FAR2: variants seen among roughly 807,000 people sequenced by gnomAD.
FAR2 encodes epididymis secretory protein Li 81.
In FAR2, 19 loss-of-function variants were observed where a neutral mutation model predicts 56.0. The observed-to-expected ratio is 0.34, with a 90% confidence interval of 0.24 to 0.50. The LOEUF is 0.50. FAR2 is among the 20% of genes least tolerant of loss of function. The pLI, the probability that FAR2 is intolerant of heterozygous loss-of-function variation, is 0.98. For missense variants in FAR2, 508 were observed against 642.2 expected, an observed-to-expected ratio of 0.79 and a Z score of 2.26; for synonymous variants, 219 against 218.8, an observed-to-expected ratio of 1.00 and a Z score of -0.01.
chr12:29,301,797 A>G (rs1420405780), intron 4 of FAR2: 2 of 152,246 alleles, frequency 1.3e-5, no homozygotes, highest in African/African-American at 4.8e-5. Flanking sequence ...TATCACTGCT[A>G]TACTAATCAC....
At chr12:29,290,115 A>G (rs1354959656) in intron 2 of FAR2, among the ~76,000 whole-genome samples, 1 of 152,198 alleles carries the variant, frequency 6.6e-6, no homozygotes, top group African/African-American at 2.4e-5. Flanking sequence ...TACAACCACT[A>G]CGGAGAACAG....
At chr12:29,204,480 G>A (rs1947456847) in intron 1 of FAR2, among the ~76,000 whole-genome samples, 2 of 152,174 alleles carry the variant, frequency 1.3e-5, no homozygotes, top group Non-Finnish European at 2.9e-5. Flanking sequence ...GGCATTTAAA[G>A]CTTAGACTTT....
rs529483316 is a variant in FAR2, at chr12:29,289,216, A to G, written c.190-4084A>G. Among the ~76,000 whole-genome samples the G allele has an allele frequency of 1.9e-3, 295 of 152,354 alleles. 2 individuals are homozygous for G. Among genetic ancestry groups the G allele is most frequent in the Non-Finnish European group, 2.3e-3 (154 of 68,024 alleles). On this transcript the variant is annotated intron_variant, in intron 2 of 11. Coordinates refer to ENST00000536681, the MANE Select transcript of FAR2 (RefSeq NM_001271783.2). ...ATCCTAAAATTTATTTGGAACCGCAAAAGACTGAGAATAGCCAAAGCTAAC... is the reference window on the plus strand; with the variant it reads ...ATCCTAAAATTTATTTGGAACCGCAGAAGACTGAGAATAGCCAAAGCTAAC...
intron 1 of FAR2, among the ~76,000 whole-genome samples, chr12:29,170,707 CTCTT>C (rs1949877280): frequency 6.6e-6 from 1 of 151,500 alleles, no homozygotes; most frequent in Non-Finnish European, 1.5e-5. Flanking sequence ...GACTTTCTGT[CTCTT>C]TCTCTGTCTC....
chr12:29,282,150 G>A (rs2136727329), intron 2 of FAR2: 1 of 152,234 alleles, frequency 6.6e-6, no homozygotes, highest in African/African-American at 2.4e-5. Context: ...AGTATAAAAT[G>A]AGGTAGAACT....
At chr12:29,203,189 T>A (rs534108878) in intron 1 of FAR2, among the ~76,000 whole-genome samples, 1 of 152,340 alleles carries the variant, frequency 6.6e-6, no homozygotes, top group Admixed American at 6.5e-5. Context: ...TAAAATTTCA[T>A]TTTGTTAAAT....
intron 10 of FAR2, among the ~76,000 whole-genome samples, chr12:29,330,237 A>G (rs1371624572): frequency 6.6e-6 from 1 of 152,024 alleles, no homozygotes; most frequent in African/African-American, 2.4e-5. Flanking sequence ...TTGTATTTTT[A>G]GTACAGACGG....
chr12:29,153,293 A>G (rs1949695965), intron 1 of FAR2, among the ~76,000 whole-genome samples: 1 of 152,234 alleles, frequency 6.6e-6, no homozygotes, highest in South Asian at 2.1e-4. Context: ...TTGACAAAGA[A>G]AGATTTCAAT....
intron 1 of FAR2, among the ~76,000 whole-genome samples, chr12:29,210,042 TATAAAA>T (rs1434412631): frequency 3.3e-5 from 5 of 151,928 alleles, no homozygotes; most frequent in Non-Finnish European, 5.9e-5. Flanking sequence ...CCTCTGTCTC[TATAAAA>T]ATAAAAATAA....
At chr12:29,293,875 G>C (rs1029148463) in intron 3 of FAR2, among the ~76,000 whole-genome samples, 3 of 152,022 alleles carry the variant, frequency 2.0e-5, no homozygotes, top group Middle Eastern at 3.4e-3. Context: ...GTGGACATTT[G>C]GATTGTTTTA....
intron 4 of FAR2, among the ~76,000 whole-genome samples, chr12:29,298,525 AAAG>A (rs1207283206): frequency 2.0e-5 from 3 of 152,204 alleles, no homozygotes; most frequent in Non-Finnish European, 2.9e-5. Context: ...TATCCAGGAC[AAAG>A]AAGAATGAAA....
At chr12:29,282,742 A>G (rs1006409) in intron 2 of FAR2, among the ~76,000 whole-genome samples, 76,471 of 151,964 alleles carry the variant, frequency 0.5, 20,038 homozygotes, top group African/African-American at 0.66. Flanking sequence ...TTTTCCTTTT[A>G]TGGTATGCAT....
intron 1 of FAR2, among the ~76,000 whole-genome samples, chr12:29,203,999 CAAA>C (rs34399942): frequency 4.4e-5 from 3 of 68,116 alleles, no homozygotes; most frequent in East Asian, 4.5e-4. Context: ...GATTCCATCT[CAAA>C]AAAAAAAAAA....
At chr12:29,199,557 T>G (rs1197727544) in intron 1 of FAR2, among the ~76,000 whole-genome samples, 4 of 140,254 alleles carry the variant, frequency 2.9e-5, no homozygotes, top group African/African-American at 1.1e-4. Context: ...CCGAGATCGC[T>G]CCACTGCGCT....
chr12:29,313,321 G>C (rs1209247456), intron 8 of FAR2, among the ~76,000 whole-genome samples: 5 of 152,124 alleles, frequency 3.3e-5, no homozygotes, highest in Non-Finnish European at 5.9e-5. Flanking sequence ...TGCCACATAT[G>C]TTTTAATAAA....
intron 1 of FAR2, among the ~76,000 whole-genome samples, chr12:29,219,169 A>G (rs1947657002): frequency 6.6e-6 from 1 of 152,158 alleles, no homozygotes; most frequent in Admixed American, 6.5e-5. Flanking sequence ...GATTACAAGC[A>G]TAAGCCACTG....
intron 2 of FAR2, among the ~76,000 whole-genome samples, chr12:29,288,693 A>C (rs1268302622): frequency 6.6e-6 from 1 of 152,064 alleles, no homozygotes; most frequent in African/African-American, 2.4e-5. Context: ...AATATAGAGG[A>C]CTCAGGAAAC....
chr12:29,234,153 T>C (rs1274499626), intron 1 of FAR2, among the ~76,000 whole-genome samples: 3 of 152,186 alleles, frequency 2.0e-5, no homozygotes, highest in Non-Finnish European at 4.4e-5. Flanking sequence ...TCTAGTCCCA[T>C]GGTTAGAGTT....
chr12:29,279,450 T>C (rs1337731061), intron 2 of FAR2, among the ~76,000 whole-genome samples: 2 of 152,262 alleles, frequency 1.3e-5, no homozygotes, highest in Non-Finnish European at 2.9e-5. Context: ...CTCATCATTT[T>C]AAGTCTTCCA....
Sources: allele counts gnomAD v4.1 joint callset (sites outside exome capture counted in the v4.1 genomes callset), GRCh38; gene constraint gnomAD v4.1.1; transcripts MANE v1.5; gene names NCBI Gene and HGNC (gene_info 2026-07-23, HGNC 2026-07-21).